The following BRCA2 variants were observed in gnomAD, a reference collection of about 807,000 sequenced individuals.
BRCA2 encodes breast cancer type 2 susceptibility protein.
BRCA2 carries 203 observed loss-of-function variants against 276.7 expected under a neutral mutation model. The observed-to-expected ratio is 0.73, with a 90% CI of 0.65 to 0.82. The LOEUF (loss-of-function observed/expected upper bound fraction) is 0.82, where lower values mean the gene tolerates loss of function less well. BRCA2 is among the 40% of genes least tolerant of loss of function. The pLI is 0.00. For missense variants in BRCA2, 3,920 were observed against 3,915.0 expected (o/e 1.00, Z -0.03); for synonymous variants, 1,289 against 1,338.4 (o/e 0.96, Z 0.81).
intron 12 of BRCA2, among the ~76,000 whole-genome samples, chr13:32,346,610 G>T (rs1390590645): frequency 6.6e-6 from 1 of 152,030 alleles, no homozygotes. Flanking sequence ...AATTTATGCT[G>T]ATTTCTGTTG....
rs767165913 is a variant in BRCA2, at chr13:32,330,984, T to A, written c.747T>A (p.Ser249=). The change falls in exon 9 of 27, where the codon TCT becomes TCA. Residue 249 remains serine (S), a synonymous_variant. Transcript: ENST00000380152. ...SLKKNDRFIA[S]VTDSENTNQR... ...AGAAAAATGATAGATTTATCGCTTCTGTGACAGACAGTGAAAACACAAATC... is the reference window on the plus strand; with the variant it reads ...AGAAAAATGATAGATTTATCGCTTCAGTGACAGACAGTGAAAACACAAATC... 1.1e-5 allele frequency: 17 copies of A among 1,613,844 alleles called. No individual in the cohort carries two copies. The South Asian group carries it at 1.8e-4, about 17-fold the overall frequency.
intron 24 of BRCA2, among the ~76,000 whole-genome samples, chr13:32,384,220 G>A (rs921319594): frequency 2.6e-5 from 4 of 152,190 alleles, no homozygotes; most frequent in Non-Finnish European, 5.9e-5. Flanking sequence ...GCCTCCAGTA[G>A]CACAAGGTCT....
rs1555289959 is a variant in BRCA2, at chr13:32,398,299, A to G, written c.9786A>G (p.Gln3262=). ...AAGGGGAGAAAGAGATTGATGACCA[A>G]AAGAACTGCAAAAAGAGAAGAGCCT... ...SCKGEKEIDD[Q]KNCKKRRALD... is the part of the protein sequence containing the mutation. Residue 3262 remains glutamine, a synonymous_variant, in exon 27 of 27, where the codon CAA becomes CAG. Coordinates refer to ENST00000380152, the MANE Select transcript of BRCA2 (RefSeq NM_000059.4). The G allele has an allele frequency of 1.2e-6, 2 of 1,614,228 alleles. No individual in the cohort carries two copies. Among genetic ancestry groups the G allele is most frequent in the Middle Eastern group, 3.3e-4 (2 of 6,062 alleles).
In BRCA2 at chr13:32,332,995, T is replaced by A. The variant is rs1249900164; in HGVS notation, c.1517T>A (p.Phe506Tyr). ...TTTCAGGGTATCAAAAAGTCTATAT[T>A]CAGAATAAGAGAATCACCTAAAGAG... ...SSFQGIKKSI[F>Y]RIRESPKETF... Residue 506 changes from phenylalanine (F) to tyrosine (Y), a missense_variant, in exon 10 of 27, where the codon TTC becomes TAC. This residue lies in a region of BRCA2 where 3,263 missense variants were observed against 3,156.9 expected (regional missense o/e 1.03). Transcript: ENST00000380152. 1 of 1,594,138 alleles carries A rather than the reference T, an allele frequency of 6.3e-7. No individual in the cohort carries two copies. Among genetic ancestry groups the A allele is most frequent in the Non-Finnish European group, 8.5e-7 (1 of 1,175,002 alleles).
chr13:32,383,036 C>T (rs974934714), intron 24 of BRCA2, among the ~76,000 whole-genome samples: 2 of 151,364 alleles, frequency 1.3e-5, no homozygotes, highest in Admixed American at 6.6e-5. Context: ...CTCGCTGAAA[C>T]AGGGCACAAA....
chr13:32,325,723 G>GTA (rs1290912888), intron 4 of BRCA2, among the ~76,000 whole-genome samples: 1 of 151,896 alleles, frequency 6.6e-6, no homozygotes, highest in Non-Finnish European at 1.5e-5. Context: ...TGTATTTTTA[G>GTA]TAGAGACGGG....
At position 32,373,383 on chromosome 13, in the gene BRCA2, G is replaced by A. The variant is rs376723963; in HGVS notation, c.8632+2283G>A. Among the ~76,000 whole-genome samples the A allele has an allele frequency of 2.6e-5, 4 of 151,830 alleles. No individual in the cohort carries two copies. In the East Asian group the frequency reaches 5.9e-4, roughly 23 times the overall value. Reference sequence around the variant, plus strand: ...TAGCTGGGCGTGGTGGCACGCGTCTGTAATCCCAGCTATTCCAGAGGCTGA... The same window carrying A: ...TAGCTGGGCGTGGTGGCACGCGTCTATAATCCCAGCTATTCCAGAGGCTGA... On this transcript the variant is annotated intron_variant, in intron 20 of 26. Transcript: ENST00000380152.
At chr13:32,370,605 A>G in intron 19 of BRCA2, 48 bp downstream of exon 19, 1 of 1,574,904 alleles carries the variant, frequency 6.3e-7, no homozygotes, top group Non-Finnish European at 8.7e-7. Flanking sequence ...CTTTTGATAC[A>G]ATTAATTTGT....
chr13:32,378,419 G>T (rs1251239616), intron 21 of BRCA2, among the ~76,000 whole-genome samples: 1 of 152,196 alleles, frequency 6.6e-6, no homozygotes, highest in Non-Finnish European at 1.5e-5. Context: ...TTTTAAAACA[G>T]TCCTGTTAGA....
Position 32,380,116 on chromosome 13 carries a change from G to A in BRCA2, c.9227G>A (p.Gly3076Glu), listed in dbSNP as rs80359187. ...TCTTGTTCTGAGGTGGACCTAATAG[G>A]ATTTGTCGTTTCTGTTGTGAAAAAA... Reference protein sequence around the residue: ...QPSCSEVDLIGFVVSVVKKTG... With the variant: ...QPSCSEVDLIEFVVSVVKKTG... The change falls in exon 24 of 27, where the codon GGA (glycine) becomes GAA (glutamate). Residue 3076 changes from glycine to glutamate, a missense_variant. Coordinates refer to ENST00000380152, the MANE Select transcript of BRCA2 (RefSeq NM_000059.4). 1 of 1,613,722 alleles carries A rather than the reference G, an allele frequency of 6.2e-7. No individual in the cohort carries two copies. Among genetic ancestry groups the A allele is most frequent in the Non-Finnish European group, 8.5e-7 (1 of 1,179,926 alleles).
chr13:32,386,717 CCT>C (rs2072963389), intron 24 of BRCA2, among the ~76,000 whole-genome samples: 1 of 152,132 alleles, frequency 6.6e-6, no homozygotes, highest in African/African-American at 2.4e-5. Context: ...TTTCTCCCCC[CCT>C]TAGTTACAGT....
In BRCA2 at chr13:32,379,914, G is replaced by A. The variant is rs81002802; in HGVS notation, c.9117+1G>A. The A allele has an allele frequency of 6.2e-7, 1 of 1,613,260 alleles. No individual in the cohort carries two copies. The highest frequency in any genetic ancestry group is 8.5e-7 in the Non-Finnish European group (1 of 1,179,484). ...AAAAACTCAGTATCAACAACTACCG[G>A]TACAAACCTTTCATTGTAATTTTTC... On this transcript the variant is annotated splice_donor_variant, in intron 23 of 26. Coordinates refer to ENST00000380152, the MANE Select transcript of BRCA2 (RefSeq NM_000059.4). LOFTEE classifies it high-confidence loss of function.
intron 17 of BRCA2, 85 bp downstream of exon 17, chr13:32,362,778 G>A (rs1381848263): frequency 5.4e-6 from 8 of 1,472,402 alleles, no homozygotes; most frequent in South Asian, 3.5e-5. Flanking sequence ...ATGTCAAAAT[G>A]TTGCACAAGC....
intron 11 of BRCA2, among the ~76,000 whole-genome samples, chr13:32,343,785 T>C (rs2072590360): frequency 6.6e-6 from 1 of 152,120 alleles, no homozygotes. Flanking sequence ...TTCTGTAACA[T>C]ATAAGTGTAT....
At position 32,355,077 on chromosome 13, in the gene BRCA2, A is replaced by G. The variant is rs276174891; in HGVS notation, c.7224A>G (p.Pro2408=). The G allele has an allele frequency of 1.2e-6, 2 of 1,614,002 alleles. No homozygotes were observed. The highest frequency in any genetic ancestry group is 8.5e-7 in the Non-Finnish European group (1 of 1,179,866). ...GCAGACCAACCAAAGTCTTTGTTCC[A>G]CCTTTTAAAACTAAATCACATTTTC... ...TTGRPTKVFV[P]PFKTKSHFHR... is the part of the protein sequence containing the mutation. The change falls in exon 14 of 27, where the codon CCA becomes CCG. Residue 2408 remains proline, a synonymous_variant. Transcript: ENST00000380152.
intron 9 of BRCA2, 86 bp from the exon 10 acceptor site, chr13:32,332,186 A>G (rs949355063): frequency 7.7e-7 from 1 of 1,293,534 alleles, no homozygotes; most frequent in Admixed American, 2.4e-5. Flanking sequence ...TTCTACATAA[A>G]CTGTTTCTAT....
chr13:32,342,375 T>C (rs190113151), intron 11 of BRCA2, among the ~76,000 whole-genome samples: 1 of 152,306 alleles, frequency 6.6e-6, no homozygotes, highest in African/African-American at 2.4e-5. Context: ...TTTTTTCATT[T>C]AGGAAGTGAT....
At chr13:32,348,838 G>C (rs1162629879) in intron 13 of BRCA2, among the ~76,000 whole-genome samples, 1 of 152,200 alleles carries the variant, frequency 6.6e-6, no homozygotes, top group Admixed American at 6.5e-5. Context: ...TGGAACTGAA[G>C]AAGATAAGAG....
At position 32,340,257 on chromosome 13, in the gene BRCA2, T is replaced by G. The variant is rs1555284455; in HGVS notation, c.5902T>G (p.Ser1968Ala). 6.2e-7 allele frequency: 1 copy of G among 1,614,032 alleles called. No homozygotes were observed. The highest frequency in any genetic ancestry group is 8.5e-7 in the Non-Finnish European group (1 of 1,179,932). ...CKCSIGKLHK[S>A]VSSANTCGIF... ...ATGTAGTATAGGGAAGCTTCATAAGTCAGTCTCATCTGCAAATACTTGTGG... is the reference window on the plus strand; with the variant it reads ...ATGTAGTATAGGGAAGCTTCATAAGGCAGTCTCATCTGCAAATACTTGTGG... The change falls in exon 11 of 27, where the codon TCA (serine) becomes GCA (alanine). Residue 1968 changes from serine (S) to alanine (A), a missense_variant. Transcript: ENST00000380152.
Sources: allele counts gnomAD v4.1 joint callset (sites outside exome capture counted in the v4.1 genomes callset), GRCh38; gene constraint gnomAD v4.1.1; regional missense constraint gnomAD v4.1.1; transcripts MANE v1.5; gene names NCBI Gene and HGNC (gene_info 2026-07-23, HGNC 2026-07-21).